The following LRRC37A2 variants were observed in gnomAD, a reference collection of about 807,000 sequenced individuals.
LRRC37A2 encodes leucine rich repeat containing 37 member A2.
Under a neutral mutation model 68.8 loss-of-function variants are expected in LRRC37A2, and 9 were observed. That is an observed-to-expected ratio of 0.13 (90% CI 0.08 to 0.23). The LOEUF (loss-of-function observed/expected upper bound fraction) is 0.23, where lower values mean the gene tolerates loss of function less well. Ranked by LOEUF, LRRC37A2 falls within the 10% of genes least tolerant of loss-of-function variation. The probability of loss-of-function intolerance (pLI) is 1.00; values close to 1 mark genes in which losing one functional copy is unlikely to be tolerated. For missense variants in LRRC37A2, 168 were observed against 950.4 expected, an observed-to-expected ratio of 0.18 and a Z score of 10.82; for synonymous variants, 63 against 367.6, an observed-to-expected ratio of 0.17 and a Z score of 9.48.
the LRRC37A2 span, among the ~76,000 whole-genome samples, chr17:46,946,478 A>T: frequency 6.9e-6 from 1 of 144,230 alleles, no homozygotes; most frequent in African/African-American, 2.5e-5. Context: ...AAAAAAAAAA[A>T]AGTAGGTGGC....
At chr17:46,926,894 G>A in the LRRC37A2 span, among the ~76,000 whole-genome samples, 8 of 152,290 alleles carry the variant, frequency 5.3e-5, no homozygotes, top group Admixed American at 5.2e-4. Context: ...TCTCCTCAGG[G>A]TATGCCAGAA....
chr17:46,849,750 T>G, the LRRC37A2 span, among the ~76,000 whole-genome samples: 1 of 151,834 alleles, frequency 6.6e-6, no homozygotes, highest in African/African-American at 2.4e-5. Flanking sequence ...CCATCAACCC[T>G]CCTTGAGAAC....
chr17:46,982,870 G>T, the LRRC37A2 span, among the ~76,000 whole-genome samples: 2 of 152,220 alleles, frequency 1.3e-5, no homozygotes, highest in Non-Finnish European at 2.9e-5. Context: ...GAGACTCAAA[G>T]GCAGGCCGAG....
At chr17:46,850,944 C>T in the LRRC37A2 span, among the ~76,000 whole-genome samples, 1 of 152,338 alleles carries the variant, frequency 6.6e-6, no homozygotes, top group Admixed American at 6.5e-5. Flanking sequence ...CTGCGCGCCT[C>T]GCCGGTAACA....
chr17:46,926,718 T>G, the LRRC37A2 span, among the ~76,000 whole-genome samples: 1 of 152,220 alleles, frequency 6.6e-6, no homozygotes, highest in Non-Finnish European at 1.5e-5. Flanking sequence ...CATACTTGCT[T>G]TGTTGTTTCA....
At chr17:46,923,643 G>A in the LRRC37A2 span, 12 of 1,155,070 alleles carry the variant, frequency 1.0e-5, 1 homozygote, top group Non-Finnish European at 1.3e-5. Flanking sequence ...GCACGTACGG[G>A]AAAGTATTTG....
chr17:46,730,339 A>C, the LRRC37A2 span, among the ~76,000 whole-genome samples: 5,865 of 152,244 alleles, frequency 0.039, 391 homozygotes, highest in African/African-American at 0.13. Flanking sequence ...AATTTATGCT[A>C]AAAGTCACTT....
chr17:46,680,871 AAG>A, the LRRC37A2 span, among the ~76,000 whole-genome samples: 5 of 62,166 alleles, frequency 8.0e-5, no homozygotes, highest in East Asian at 1.6e-3. Flanking sequence ...TGTATAATAA[AAG>A]AGGGATTATT....
At chr17:47,022,087 T>G in the LRRC37A2 span, among the ~76,000 whole-genome samples, 1 of 151,438 alleles carries the variant, frequency 6.6e-6, no homozygotes, top group Non-Finnish European at 1.5e-5. Flanking sequence ...TTAAATTTGG[T>G]AGGCTCTCTT....
At chr17:46,497,993 A>G in the LRRC37A2 span, among the ~76,000 whole-genome samples, 1 of 149,096 alleles carries the variant, frequency 6.7e-6, no homozygotes. Context: ...CAGTGGCACG[A>G]TCTTGGCTCA....
the LRRC37A2 span, among the ~76,000 whole-genome samples, chr17:47,029,908 C>A: frequency 6.6e-6 from 1 of 151,526 alleles, no homozygotes; most frequent in East Asian, 1.9e-4. Context: ...ACTAAAAATA[C>A]AAAAATTAGC....
chr17:46,516,282 G>A (rs1384330070), intron 2 of LRRC37A2, among the ~76,000 whole-genome samples: 17 of 113,274 alleles, frequency 1.5e-4, no homozygotes, highest in South Asian at 2.8e-4. Context: ...CAGCCTGGGC[G>A]ACAGAGCAAG....
At chr17:46,771,932 G>GCGC in the LRRC37A2 span, among the ~76,000 whole-genome samples, 3 of 141,344 alleles carry the variant, frequency 2.1e-5, no homozygotes, top group African/African-American at 7.6e-5. Flanking sequence ...CGGGCCCGCC[G>GCGC]CGCCGCCGCC....
chr17:46,733,135 C>T, the LRRC37A2 span, among the ~76,000 whole-genome samples: 171 of 152,266 alleles, frequency 1.1e-3, 1 homozygote, highest in Admixed American at 2.4e-3. Flanking sequence ...AGATTCCTAA[C>T]GCCGTCTCTT....
At chr17:46,923,338 G>A in the LRRC37A2 span, 1 of 1,530,234 alleles carries the variant, frequency 6.5e-7, no homozygotes, top group Admixed American at 2.0e-5. Flanking sequence ...TTCCGCCAGG[G>A]CACTGCTGGG....
chr17:46,839,912 TTTTCTTTC>T, the LRRC37A2 span, among the ~76,000 whole-genome samples: 13,166 of 113,270 alleles, frequency 0.12, 848 homozygotes, highest in East Asian at 0.16. Flanking sequence ...ACATTTTCTC[TTTTCTTTC>T]TTTCTTTCTT....
chr17:46,750,007 T>C, the LRRC37A2 span: 1 of 1,331,444 alleles, frequency 7.5e-7, no homozygotes, highest in Admixed American at 2.0e-5. Flanking sequence ...TTTATGCTAA[T>C]CTGGAACATG....
chr17:46,986,971 G>C, the LRRC37A2 span, among the ~76,000 whole-genome samples: 108,773 of 152,016 alleles, frequency 0.72, 39,559 homozygotes, highest in Middle Eastern at 0.78. Context: ...GCAGGCCAGG[G>C]GGGGTGGCTC....
At chr17:46,949,916 G>A in the LRRC37A2 span, among the ~76,000 whole-genome samples, 2 of 152,170 alleles carry the variant, frequency 1.3e-5, no homozygotes, top group Non-Finnish European at 2.9e-5. Flanking sequence ...GGCCAGACGC[G>A]GGGTGCCTAA....
Sources: gnomAD v4.1 joint callset for allele counts (sites outside exome capture counted in the v4.1 genomes callset) on GRCh38, gnomAD v4.1.1 for gene constraint, MANE v1.5 for transcripts, NCBI Gene and HGNC (gene_info 2026-07-23, HGNC 2026-07-21) for gene names.